Variants in ERAP2 observed in about 807,000 individuals in gnomAD.
ERAP2 encodes the protein leukocyte-derived arginine aminopeptidase.
Under a neutral mutation model 111.1 loss-of-function variants are expected in ERAP2, and 118 were observed. That is an observed-to-expected ratio of 1.06 (90% CI 0.92 to 1.24). ERAP2 has a LOEUF of 1.24. ERAP2 is among the 50% of genes most tolerant of loss of function. The probability of loss-of-function intolerance (pLI) is 0.00; values close to 1 mark genes in which losing one functional copy is unlikely to be tolerated. For missense variants in ERAP2, 1,131 were observed against 1,125.8 expected, an observed-to-expected ratio of 1.00 and a Z score of -0.07; for synonymous variants, 410 against 401.2, an observed-to-expected ratio of 1.02 and a Z score of -0.26.
intron 7 of ERAP2, 121 bp downstream of exon 7, chr5:96,895,480 C>T: frequency 1.4e-6 from 1 of 724,382 alleles, no homozygotes; most frequent in East Asian, 2.8e-5. Context: ...GAACATATGG[C>T]ATTTTGTTTG....
chr5:96,909,257 A>T, intron 14 of ERAP2, 140 bp downstream of exon 14: 1 of 771,662 alleles, frequency 1.3e-6, no homozygotes, highest in Non-Finnish European at 2.1e-6. Context: ...GTAATGGTCA[A>T]TGACCCTTGT....
chr5:96,889,753 G>C (rs1561369479), intron 5 of ERAP2, among the ~76,000 whole-genome samples: 1 of 151,976 alleles, frequency 6.6e-6, no homozygotes, highest in Non-Finnish European at 1.5e-5. Flanking sequence ...CTGTGGGAGG[G>C]AAACACACCT....
chr5:96,899,291 C>T (rs1341970588), intron 9 of ERAP2, among the ~76,000 whole-genome samples: 3 of 152,000 alleles, frequency 2.0e-5, no homozygotes, highest in Non-Finnish European at 4.4e-5. Flanking sequence ...AAGAAAAGTC[C>T]CCCATCAATC....
intron 18 of ERAP2, among the ~76,000 whole-genome samples, chr5:96,916,620 T>C (rs1787429664): frequency 6.6e-6 from 1 of 151,732 alleles, no homozygotes; most frequent in South Asian, 2.1e-4. Flanking sequence ...GCTGCCACCA[T>C]GCCCACCTAA....
rs778925597 is a variant in ERAP2 at position 96,900,170 on chromosome 5, C to G, written c.1553C>G (p.Pro518Arg). ...TCTGGTGGAGTTTGTCATTCGGATC[C>G]CAAGATGACAAGTAACATGGTAAGG... Reference protein sequence around the residue: ...FTSGGVCHSDPKMTSNMLAFL... With the variant: ...FTSGGVCHSDRKMTSNMLAFL... The change falls in exon 10 of 19, where the codon CCC becomes CGC. Residue 518 changes from proline to arginine, a missense_variant. Pro to Arg is a moderately radical substitution (Grantham distance 103). This residue lies in a region of ERAP2 where 847 missense variants were observed against 856.5 expected (regional missense o/e 0.99). Coordinates refer to ENST00000437043, the MANE Select transcript of ERAP2 (RefSeq NM_022350.5). 5 of 1,613,546 alleles carry G rather than the reference C, an allele frequency of 3.1e-6. No individual in the cohort carries two copies. The South Asian group carries it at 5.5e-5, about 18-fold the overall frequency.
chr5:96,888,674 T>G (rs562511232), intron 4 of ERAP2, among the ~76,000 whole-genome samples: 1 of 152,360 alleles, frequency 6.6e-6, no homozygotes, highest in Non-Finnish European at 1.5e-5. Flanking sequence ...TTTTTTCTAC[T>G]TGATAGCTAA....
chr5:96,913,522 G>C (rs1581913840), intron 17 of ERAP2, 65 bp downstream of exon 17: 1 of 1,547,390 alleles, frequency 6.5e-7, no homozygotes, highest in Admixed American at 1.7e-5. Flanking sequence ...CTCAAACCAA[G>C]TGTAATCAAA....
At chr5:96,878,704 G>A (rs1346467464) in intron 1 of ERAP2, among the ~76,000 whole-genome samples, 1 of 152,050 alleles carries the variant, frequency 6.6e-6, no homozygotes, top group Non-Finnish European at 1.5e-5. Context: ...GAGGCAAGTG[G>A]ATCACCTGAG....
At position 96,883,886 on chromosome 5, in the gene ERAP2, A is replaced by T; in HGVS notation, c.670A>T (p.Ile224Leu). The T allele has an allele frequency of 6.2e-7, 1 of 1,613,756 alleles. No homozygotes were observed. Among genetic ancestry groups the T allele is most frequent in the Non-Finnish European group, 8.5e-7 (1 of 1,179,834 alleles). ...PLFKANFSIK[I>L]RRESRHIALS... Reference sequence around the variant, plus strand: ...GTTCAAAGCCAACTTTTCAATCAAGATACGAAGAGAGAGCAGGCATATTGC... The same window carrying T: ...GTTCAAAGCCAACTTTTCAATCAAGTTACGAAGAGAGAGCAGGCATATTGC... Residue 224 changes from isoleucine (I) to leucine (L), a missense_variant, in exon 3 of 19, where the codon ATA becomes TTA. Ile to Leu is a conservative substitution (Grantham distance 5). Transcript: ENST00000437043.
At chr5:96,884,648 C>T (rs1463322775) in intron 3 of ERAP2, among the ~76,000 whole-genome samples, 1 of 152,140 alleles carries the variant, frequency 6.6e-6, no homozygotes, top group African/African-American at 2.4e-5. Context: ...ACCTCAGCCT[C>T]CTGGGTTCAA....
intron 6 of ERAP2, 120 bp downstream of exon 6, chr5:96,892,573 C>A (rs953456211): frequency 1.7e-5 from 19 of 1,137,466 alleles, no homozygotes; most frequent in Non-Finnish European, 2.2e-5. Context: ...AACTTAGAGA[C>A]TACTAAACCT....
Position 96,883,919 on chromosome 5 carries a change from A to C in ERAP2, c.703A>C (p.Asn235His). ...RRESRHIALS[N>H]MPKVKTIELE... is the part of the protein sequence containing the mutation. The stretch of plus-strand genomic sequence containing the variant: ...AGAGAGCAGGCATATTGCACTATCC[A>C]ACATGCCAAAGGTATGTCCACTTCC... Residue 235 changes from asparagine (N) to histidine (H), a missense_variant, in exon 3 of 19, where the codon AAC becomes CAC. Physicochemically the swap from Asn to His is moderately conservative, Grantham distance 68. Transcript: ENST00000437043. 2 of 1,605,824 alleles carry C rather than the reference A, an allele frequency of 1.2e-6. No homozygotes were observed. Among genetic ancestry groups the C allele is most frequent in the Non-Finnish European group, 1.7e-6 (2 of 1,176,908 alleles).
At chr5:96,888,989 G>C (rs565817328) in intron 4 of ERAP2, among the ~76,000 whole-genome samples, 196 bp from the exon 5 acceptor site, 15 of 152,236 alleles carry the variant, frequency 9.9e-5, no homozygotes, top group Admixed American at 9.2e-4. Flanking sequence ...AAGATTCAGG[G>C]TGTTTGTAAT....
At chr5:96,884,747 G>A (rs1265228075) in intron 3 of ERAP2, among the ~76,000 whole-genome samples, 2 of 151,654 alleles carry the variant, frequency 1.3e-5, no homozygotes, top group Non-Finnish European at 2.9e-5. Context: ...TTTCAGTAGA[G>A]ACGGGGTTTC....
In ERAP2 at chr5:96,896,865, T is replaced by C. The variant is rs1030924406; in HGVS notation, c.1503+2T>C. The C allele has an allele frequency of 6.3e-7, 1 of 1,575,808 alleles. No individual in the cohort carries two copies. Among genetic ancestry groups the C allele is most frequent in the Non-Finnish European group, 8.6e-7 (1 of 1,168,252 alleles). On this transcript the variant is annotated splice_donor_variant, in intron 9 of 18. Transcript: ENST00000437043. LOFTEE classifies it high-confidence loss of function. ...GACTTGTGGAGCAGTCTGTCAAATGTAAGTCATATGTTGGGTAACGATAGA... is the reference window on the plus strand; with the variant it reads ...GACTTGTGGAGCAGTCTGTCAAATGCAAGTCATATGTTGGGTAACGATAGA...
At chr5:96,909,962 T>C (rs909233281) in intron 15 of ERAP2, 198 bp downstream of exon 15, 14 of 521,990 alleles carry the variant, frequency 2.7e-5, no homozygotes, top group Middle Eastern at 5.2e-4. Context: ...TGAAATGTAA[T>C]GGTGTCCATT....
At chr5:96,897,435 A>G (rs1166848143) in intron 9 of ERAP2, among the ~76,000 whole-genome samples, 2 of 152,228 alleles carry the variant, frequency 1.3e-5, no homozygotes, top group African/African-American at 2.4e-5. Context: ...CCTGTCTGCT[A>G]AATTCTTAGC....
At chr5:96,879,335 A>G (rs1782900821) in intron 1 of ERAP2, among the ~76,000 whole-genome samples, 1 of 152,228 alleles carries the variant, frequency 6.6e-6, no homozygotes, top group African/African-American at 2.4e-5. Context: ...TTCAGAAGAA[A>G]TTCATTACAT....
chr5:96,893,091 C>T (rs1035996100), intron 6 of ERAP2, among the ~76,000 whole-genome samples: 1 of 152,162 alleles, frequency 6.6e-6, no homozygotes, highest in Non-Finnish European at 1.5e-5. Context: ...ACGGCCACTA[C>T]AACTACAAGA....
Sources: gnomAD v4.1 joint callset for allele counts (sites outside exome capture counted in the v4.1 genomes callset) on GRCh38, gnomAD v4.1.1 for gene constraint, gnomAD v4.1.1 regional missense constraint, MANE v1.5 for transcripts, NCBI Gene and HGNC (gene_info 2026-07-23, HGNC 2026-07-21) for gene names.